RBFOX1: variants seen among roughly 807,000 people sequenced by gnomAD.
RBFOX1 encodes the protein RNA binding protein fox-1 homolog 1.
A neutral mutation model predicts 57.7 loss-of-function variants in RBFOX1; 8 were observed. The observed-to-expected ratio is 0.14, with a 90% CI of 0.08 to 0.25. The LOEUF is 0.25. RBFOX1 is among the 10% of genes least tolerant of loss of function. The probability of loss-of-function intolerance (pLI) is 1.00; values close to 1 mark genes in which losing one functional copy is unlikely to be tolerated. For synonymous variants in RBFOX1, 326 were observed against 222.4 expected (o/e 1.47, Z -4.15); for missense variants, 611 against 548.5 (o/e 1.11, Z -1.14).
intron 2 of RBFOX1, among the ~76,000 whole-genome samples, chr16:5,548,166 A>ATATATATATATATATATATAT (rs1420272771): frequency 3.0e-5 from 1 of 33,734 alleles, no homozygotes; most frequent in Non-Finnish European, 7.4e-5. Flanking sequence ...GTTAAAAAAA[A>ATATATATATATATATATATAT]AAAAAAAAAT....
intron 3 of RBFOX1, among the ~76,000 whole-genome samples, chr16:5,619,140 G>C (rs539253485): frequency 6.6e-6 from 1 of 152,176 alleles, no homozygotes; most frequent in African/African-American, 2.4e-5. Context: ...TTTACAAGAC[G>C]TGCAAAGGGG....
chr16:5,822,843 T>C (rs2055904799), intron 3 of RBFOX1, among the ~76,000 whole-genome samples: 1 of 152,160 alleles, frequency 6.6e-6, no homozygotes, highest in Non-Finnish European at 1.5e-5. Context: ...GCCATGCACA[T>C]CTTTGGGACC....
upstream of RBFOX1, chr16:5,239,762 C>T (rs557952612): frequency 0.025 from 4,147 of 163,874 alleles, 38 homozygotes; most frequent in Admixed American, 0.15. Flanking sequence ...CCCGCGCCGG[C>T]CCCGATGCCC....
At position 7,491,782 on chromosome 16, in the gene RBFOX1, C is replaced by T. The variant is rs573516005; in HGVS notation, c.28-26365C>T. ...AGTAGCTAGGACCGCAGGCACATGC[C>T]ACCATGCCCAGCTAATTAATATATA... On this transcript the variant is annotated intron_variant, in intron 4 of 15. Coordinates refer to ENST00000550418, the MANE Select transcript of RBFOX1 (RefSeq NM_018723.4). Among the ~76,000 whole-genome samples, 4 of 152,228 alleles carry T rather than the reference C, an allele frequency of 2.6e-5. No individual in the cohort carries two copies. The East Asian group carries it at 7.7e-4, about 29-fold the overall frequency.
At chr16:7,347,707 C>T (rs2097042378) in intron 4 of RBFOX1, among the ~76,000 whole-genome samples, 1 of 152,206 alleles carries the variant, frequency 6.6e-6, no homozygotes, top group Admixed American at 6.5e-5. Context: ...TTTGCTTTCT[C>T]AGCTAGGATC....
intron 3 of RBFOX1, among the ~76,000 whole-genome samples, chr16:6,700,637 A>G (rs1461563483): frequency 6.6e-6 from 1 of 152,080 alleles, no homozygotes; most frequent in Non-Finnish European, 1.5e-5. Context: ...CAGCCTGGGC[A>G]ACAAAAACGA....
At chr16:6,776,494 T>C (rs936958203) in intron 3 of RBFOX1, among the ~76,000 whole-genome samples, 2 of 152,074 alleles carry the variant, frequency 1.3e-5, no homozygotes, top group African/African-American at 4.8e-5. Flanking sequence ...TTAAAGTGCA[T>C]ACAATTAAAA....
intron 4 of RBFOX1, among the ~76,000 whole-genome samples, chr16:5,914,230 A>G (rs58096463): frequency 0.055 from 8,431 of 152,292 alleles, 293 homozygotes; most frequent in African/African-American, 0.075. Context: ...TCTCACATGT[A>G]TTTATTTTCT....
At chr16:6,926,795 A>G (rs1349883113) in intron 3 of RBFOX1, among the ~76,000 whole-genome samples, 1 of 152,200 alleles carries the variant, frequency 6.6e-6, no homozygotes, top group Non-Finnish European at 1.5e-5. Flanking sequence ...TTGAGTTCTT[A>G]AAATTATCGT....
intron 3 of RBFOX1, among the ~76,000 whole-genome samples, chr16:5,715,277 T>C (rs1487258363): frequency 6.6e-6 from 1 of 152,216 alleles, no homozygotes; most frequent in Admixed American, 6.5e-5. Flanking sequence ...AGCTCTACCT[T>C]GTGGATGATT....
chr16:6,932,250 T>G (rs1277724496), intron 3 of RBFOX1, among the ~76,000 whole-genome samples: 1 of 152,098 alleles, frequency 6.6e-6, no homozygotes, highest in Admixed American at 6.6e-5. Flanking sequence ...ATTACAGGCA[T>G]GCACCACCAC....
chr16:5,943,795 A>C (rs1026692134), intron 4 of RBFOX1, among the ~76,000 whole-genome samples: 5 of 152,088 alleles, frequency 3.3e-5, no homozygotes, highest in African/African-American at 7.2e-5. Flanking sequence ...CCATTAATTT[A>C]TCTATTCACC....
At chr16:6,323,022 C>G (rs1313473584) in intron 2 of RBFOX1, among the ~76,000 whole-genome samples, 1 of 152,166 alleles carries the variant, frequency 6.6e-6, no homozygotes, top group Non-Finnish European at 1.5e-5. Flanking sequence ...CATAGCAGAG[C>G]TCTTTTCCCA....
chr16:6,186,741 G>C (rs1050789891), intron 1 of RBFOX1, among the ~76,000 whole-genome samples: 4 of 152,202 alleles, frequency 2.6e-5, no homozygotes, highest in African/African-American at 9.6e-5. Context: ...CTTGCCTCTA[G>C]GAGGGGAGCA....
intron 5 of RBFOX1, among the ~76,000 whole-genome samples, chr16:7,536,795 G>A (rs1487371125): frequency 1.3e-5 from 2 of 152,168 alleles, no homozygotes; most frequent in Non-Finnish European, 2.9e-5. Context: ...TACCTCCAGG[G>A]TGAGAGTATT....
intron 4 of RBFOX1, among the ~76,000 whole-genome samples, chr16:7,187,978 G>C (rs2084347562): frequency 2.0e-5 from 3 of 152,142 alleles, no homozygotes; most frequent in Admixed American, 2.0e-4. Context: ...AACAAATCTC[G>C]AGAATGTATC....
intron 3 of RBFOX1, among the ~76,000 whole-genome samples, chr16:6,906,242 C>CA (rs2069885088): frequency 6.6e-6 from 1 of 151,752 alleles, no homozygotes; most frequent in Non-Finnish European, 1.5e-5. Flanking sequence ...ATTTATTACC[C>CA]CCCCCCAAAA....
chr16:6,248,797 TG>T (rs1305256676), intron 1 of RBFOX1, among the ~76,000 whole-genome samples: 3 of 152,164 alleles, frequency 2.0e-5, no homozygotes, highest in African/African-American at 7.2e-5. Flanking sequence ...AACCTCTTTG[TG>T]TCTGTCTTCG....
chr16:5,726,284 A>G (rs1449057823), intron 3 of RBFOX1, among the ~76,000 whole-genome samples: 1 of 151,720 alleles, frequency 6.6e-6, no homozygotes, highest in East Asian at 1.9e-4. Flanking sequence ...CTGGGGATGT[A>G]TTCAGATAAT....
Sources: allele counts gnomAD v4.1 joint callset (sites outside exome capture counted in the v4.1 genomes callset), GRCh38; gene constraint gnomAD v4.1.1; transcripts MANE v1.5; gene names NCBI Gene and HGNC (gene_info 2026-07-23, HGNC 2026-07-21).